SNRNP40: variants seen among roughly 807,000 people sequenced by gnomAD.
SNRNP40 encodes U5 small nuclear ribonucleoprotein 40 kDa protein.
A neutral mutation model predicts 45.8 loss-of-function variants in SNRNP40; 21 were observed. The ratio of observed to expected loss-of-function variants is 0.46; its 90% CI spans 0.32 to 0.66. The LOEUF is 0.66. Ranked by LOEUF, SNRNP40 falls within the 30% of genes least tolerant of loss-of-function variation. The pLI, the probability that SNRNP40 is intolerant of heterozygous loss-of-function variation, is 0.03. For synonymous variants in SNRNP40, 142 were observed against 163.8 expected (o/e 0.87, Z 1.01); for missense variants, 344 against 439.1 (o/e 0.78, Z 1.94).
intron 4 of SNRNP40, among the ~76,000 whole-genome samples, chr1:31,284,110 C>A (rs1646038777): frequency 1.3e-5 from 2 of 152,160 alleles, no homozygotes; most frequent in African/African-American, 2.4e-5. Context: ...ATAGTCCCAG[C>A]TACTTGGGAG....
chr1:31,271,517 T>C lies in SNRNP40; in HGVS notation c.655-18A>G. On this transcript the variant is annotated intron_variant, in intron 5 of 9. Coordinates refer to ENST00000263694, the MANE Select transcript of SNRNP40 (RefSeq NM_004814.3). Reference sequence around the variant, plus strand: ...TCCCAGACCTGCAAAAACAGAAAGGTGCCCCCAGAAATCAAATTAATAAAA... The same window carrying C: ...TCCCAGACCTGCAAAAACAGAAAGGCGCCCCCAGAAATCAAATTAATAAAA... 2 of 1,592,682 alleles carry C rather than the reference T, an allele frequency of 1.3e-6. No individual in the cohort carries two copies. The highest frequency in any genetic ancestry group is 1.1e-5 in the South Asian group (1 of 86,964).
Position 31,289,364 on chromosome 1 carries a change from C to T in SNRNP40, c.421G>A (p.Gly141Ser). 1 of 1,614,150 alleles carries T rather than the reference C, an allele frequency of 6.2e-7. No homozygotes were observed. The highest frequency in any genetic ancestry group is 1.1e-5 in the South Asian group (1 of 91,084). Residue 141 changes from glycine (G) to serine (S), a missense_variant, in exon 4 of 10, where the codon GGT (glycine) becomes AGT (serine). Gly to Ser is a moderately conservative substitution (Grantham distance 56). Transcript: ENST00000263694. ...CCCTTTAGCCTTTTAACCCTCTCAC[C>T]TGTTTCACTATCCCACACAGCCACG... ...KTVAVWDSETGERVKRLKGHT... is the reference protein window; with the variant it reads ...KTVAVWDSETSERVKRLKGHT...
At chr1:31,282,471 C>A (rs918180018) in intron 4 of SNRNP40, 1 of 69,034 alleles carries the variant, frequency 1.4e-5, no homozygotes, top group Admixed American at 1.6e-4. Context: ...TCCTGGCTAT[C>A]TATCTATCTA....
chr1:31,285,093 T>C (rs1021994856), intron 4 of SNRNP40, among the ~76,000 whole-genome samples: 7 of 152,352 alleles, frequency 4.6e-5, no homozygotes, highest in Admixed American at 4.6e-4. Context: ...TTTAAAATAA[T>C]TTAGAATTTT....
At chr1:31,293,034 C>T (rs2148392182) in intron 2 of SNRNP40, 185 bp downstream of exon 2, 1 of 609,776 alleles carries the variant, frequency 1.6e-6, no homozygotes, top group Non-Finnish European at 2.9e-6. Flanking sequence ...CTGTATTTAC[C>T]CCATGGACTC....
chr1:31,265,617 G>C (rs183731947), intron 8 of SNRNP40, among the ~76,000 whole-genome samples: 1 of 152,300 alleles, frequency 6.6e-6, no homozygotes, highest in Admixed American at 6.5e-5. Context: ...GAGGCAGGCG[G>C]ATCATGAGGT....
chr1:31,270,886 G>A (rs1365819574), intron 6 of SNRNP40, among the ~76,000 whole-genome samples: 1 of 152,118 alleles, frequency 6.6e-6, no homozygotes, highest in Non-Finnish European at 1.5e-5. Flanking sequence ...AACAAGTAAA[G>A]AGAAAGAGCA....
chr1:31,294,376 T>C (rs1646127344), intron 1 of SNRNP40, among the ~76,000 whole-genome samples: 1 of 152,232 alleles, frequency 6.6e-6, no homozygotes, highest in African/African-American at 2.4e-5. Flanking sequence ...TGGGCTGATA[T>C]GCTCACTTGT....
chr1:31,273,574 A>T (rs1200342847), intron 5 of SNRNP40, among the ~76,000 whole-genome samples: 1 of 151,828 alleles, frequency 6.6e-6, no homozygotes, highest in East Asian at 1.9e-4. Context: ...CGGGAGGCGG[A>T]GGCTGCAGTG....
chr1:31,271,574 G>A (rs1348588213), intron 5 of SNRNP40, 75 bp from the exon 6 acceptor site: 1 of 1,425,102 alleles, frequency 7.0e-7, no homozygotes, highest in Non-Finnish European at 9.6e-7. Context: ...AGAGACAAGA[G>A]TCAATTGCCC....
intron 1 of SNRNP40, among the ~76,000 whole-genome samples, chr1:31,294,496 G>A (rs1646128144): frequency 6.6e-6 from 1 of 151,632 alleles, no homozygotes; most frequent in Non-Finnish European, 1.5e-5. Flanking sequence ...GTCTTGCTCT[G>A]TTGCCCAGGC....
Position 31,259,797 on chromosome 1 carries a change from G to T in SNRNP40, c.*275C>A. ...TCCCAACCAACAAATTTGTCACATT[G>T]GGCCTGCATTAGAAAACAGGAAAAA... On this transcript the variant is annotated 3_prime_UTR_variant, in exon 10 of 10. Coordinates refer to ENST00000263694, the MANE Select transcript of SNRNP40 (RefSeq NM_004814.3). The T allele has an allele frequency of 1.7e-6, 1 of 600,524 alleles. No homozygotes were observed. Among genetic ancestry groups the T allele is most frequent in the Non-Finnish European group, 3.1e-6 (1 of 327,716 alleles). 37.2% of individuals were successfully genotyped at this position (600,524 alleles called of 1,614,324 possible). A position where few individuals can be genotyped will look rare whatever the true frequency, so the allele number is the denominator to read the frequency against.
chr1:31,269,379 C>T (rs938376393), intron 6 of SNRNP40, 139 bp from the exon 7 acceptor site: 113 of 1,469,554 alleles, frequency 7.7e-5, no homozygotes, highest in Admixed American at 1.4e-4. Context: ...ACTTGACATA[C>T]TGCTACCTGT....
Position 31,296,715 on chromosome 1 carries a change from G to C in SNRNP40, c.37C>G (p.Pro13Ala), listed in dbSNP as rs1397263026. 6.2e-7 allele frequency: 1 copy of C among 1,613,466 alleles called. No homozygotes were observed. Among genetic ancestry groups the C allele is most frequent in the Admixed American group, 1.7e-5 (1 of 59,940 alleles). ...EQQKRKGPEL[P>A]LVPVKRQRHE... ...CGCTGCCGCTTGACTGGAACCAGCG[G>C]CAACTCTGGGCCCTTACGCTTCTGC... The change falls in exon 1 of 10, where the codon CCG becomes GCG. Residue 13 changes from proline to alanine, a missense_variant. This residue lies in a region of SNRNP40 where 90 missense variants were observed against 58.9 expected (regional missense o/e 1.53). Coordinates refer to ENST00000263694, the MANE Select transcript of SNRNP40 (RefSeq NM_004814.3).
At chr1:31,269,033 T>G in intron 7 of SNRNP40, 125 bp downstream of exon 7, 1 of 853,358 alleles carries the variant, frequency 1.2e-6, no homozygotes, top group Non-Finnish European at 1.7e-6. Flanking sequence ...AAGTTTTAAT[T>G]AAGAGCAGTG....
intron 5 of SNRNP40, among the ~76,000 whole-genome samples, chr1:31,274,671 C>G (rs1336811238): frequency 8.2e-6 from 1 of 122,188 alleles, no homozygotes; most frequent in Non-Finnish European, 1.7e-5. Flanking sequence ...AAAAACCAAA[C>G]TGAACTCCCA....
chr1:31,282,589 ATC>A (rs1646026151), intron 4 of SNRNP40: 2 of 150,736 alleles, frequency 1.3e-5, no homozygotes, highest in African/African-American at 2.5e-5. Flanking sequence ...CTATCTATCT[ATC>A]TATCTATCTA....
At chr1:31,292,858 C>A in intron 2 of SNRNP40, 1 of 245,574 alleles carries the variant, frequency 4.1e-6, no homozygotes. Flanking sequence ...TTAAGAGGAC[C>A]TTATACCTTT....
At chr1:31,291,288 C>CAAA (rs55857301) in intron 3 of SNRNP40, among the ~76,000 whole-genome samples, 3 of 128,664 alleles carry the variant, frequency 2.3e-5, no homozygotes, top group Non-Finnish European at 3.3e-5. Context: ...AATTCCGTCT[C>CAAA]AAAAAAAAAA....
Sources: allele counts gnomAD v4.1 joint callset (sites outside exome capture counted in the v4.1 genomes callset), GRCh38; gene constraint gnomAD v4.1.1; regional missense constraint gnomAD v4.1.1; transcripts MANE v1.5; gene names NCBI Gene and HGNC (gene_info 2026-07-23, HGNC 2026-07-21).